The following CALN1 variants were observed in gnomAD, a reference collection of about 807,000 sequenced individuals.
CALN1 encodes calcium-binding protein 8.
CALN1 carries 17 observed loss-of-function variants against 30.6 expected under a neutral mutation model. The observed-to-expected ratio is 0.56, with a 90% CI of 0.38 to 0.83. The LOEUF is 0.83. Ranked by LOEUF, CALN1 falls within the 40% of genes least tolerant of loss-of-function variation. CALN1 has a pLI of 0.00. For synonymous variants in CALN1, 156 were observed against 131.4 expected, an observed-to-expected ratio of 1.19 and a Z score of -1.28; for missense variants, 291 against 354.9, an observed-to-expected ratio of 0.82 and a Z score of 1.45.
At chr7:72,201,493 A>G (rs553986190) in intron 3 of CALN1, among the ~76,000 whole-genome samples, 1 of 152,040 alleles carries the variant, frequency 6.6e-6, no homozygotes, top group East Asian at 1.9e-4. Flanking sequence ...CGGGAGGCTG[A>G]GGCAGGAGGA....
At chr7:72,218,223 C>T (rs1381313084) in intron 3 of CALN1, among the ~76,000 whole-genome samples, 2 of 151,568 alleles carry the variant, frequency 1.3e-5, no homozygotes, top group East Asian at 2.0e-4. Context: ...ACGAGGCAGG[C>T]GGATCACCAG....
At chr7:72,059,149 A>G (rs1445472063) in intron 4 of CALN1, among the ~76,000 whole-genome samples, 1 of 152,236 alleles carries the variant, frequency 6.6e-6, no homozygotes, top group Non-Finnish European at 1.5e-5. Flanking sequence ...AACCTTTATC[A>G]AGGAAAATTA....
the CALN1 span, among the ~76,000 whole-genome samples, chr7:72,478,238 T>A: frequency 6.7e-6 from 1 of 148,234 alleles, no homozygotes; most frequent in African/African-American, 2.4e-5. Context: ...TTTTTATAAA[T>A]ATATATGTTA....
At chr7:72,232,133 G>A (rs573850685) in intron 3 of CALN1, among the ~76,000 whole-genome samples, 1 of 152,260 alleles carries the variant, frequency 6.6e-6, no homozygotes, top group South Asian at 2.1e-4. Context: ...ACCATTCTAG[G>A]GGTCAGAAGA....
chr7:71,803,290 C>T (rs1263090693), intron 6 of CALN1, among the ~76,000 whole-genome samples: 2 of 152,038 alleles, frequency 1.3e-5, no homozygotes, highest in Non-Finnish European at 2.9e-5. Context: ...AGTGATTTTC[C>T]ATCGGGAAGC....
At chr7:71,909,869 T>C (rs748870425) in intron 5 of CALN1, among the ~76,000 whole-genome samples, 1 of 152,142 alleles carries the variant, frequency 6.6e-6, no homozygotes, top group Non-Finnish European at 1.5e-5. Context: ...AGTTCTCACA[T>C]TGCTGCAAAG....
chr7:72,381,139 A>C (rs2129560818), intron 2 of CALN1, among the ~76,000 whole-genome samples: 1 of 152,354 alleles, frequency 6.6e-6, no homozygotes, highest in Non-Finnish European at 1.5e-5. Context: ...AAGCACAAAG[A>C]CATAAACATG....
chr7:72,181,881 G>A lies in CALN1; in HGVS notation c.245-75587C>T, dbSNP rs201807319. ...AGCCTATCCAACATATCTCTATCAC[G>A]AGCATTTACTGGGTCCATACTATGT... On this transcript the variant is annotated intron_variant, in intron 3 of 6. Transcript: ENST00000395275. 6.6e-5 allele frequency among the ~76,000 whole-genome samples: 10 copies of A among 152,244 alleles called. No homozygotes were observed. In the East Asian group the frequency reaches 1.5e-3, roughly 23 times the overall value.
chr7:72,146,473 C>T (rs1786739361), intron 3 of CALN1, among the ~76,000 whole-genome samples: 1 of 152,024 alleles, frequency 6.6e-6, no homozygotes, highest in South Asian at 2.1e-4. Context: ...AAAGAGGATA[C>T]AAATAAATGG....
chr7:71,830,723 G>A (rs1424517883), intron 5 of CALN1, among the ~76,000 whole-genome samples: 1 of 152,178 alleles, frequency 6.6e-6, no homozygotes, highest in Non-Finnish European at 1.5e-5. Context: ...CCATCACATA[G>A]GGGCTGTGTG....
chr7:72,263,808 CA>C (rs1419137177), intron 3 of CALN1, among the ~76,000 whole-genome samples: 5 of 152,158 alleles, frequency 3.3e-5, no homozygotes, highest in African/African-American at 1.2e-4. Context: ...ATGTGCCTAT[CA>C]TTTCACTGTG....
chr7:72,455,178 T>C, the CALN1 span, among the ~76,000 whole-genome samples: 1 of 152,058 alleles, frequency 6.6e-6, no homozygotes, highest in Admixed American at 6.6e-5. Context: ...GGAGTGCACC[T>C]GTAGTCTCAG....
At chr7:71,819,939 C>A (rs1183529163) in intron 5 of CALN1, among the ~76,000 whole-genome samples, 3 of 152,116 alleles carry the variant, frequency 2.0e-5, no homozygotes, top group African/African-American at 7.2e-5. Context: ...CCAAAGTTAA[C>A]CTGAAAAATG....
chr7:72,406,421 A>T (rs550567001), intron 1 of CALN1, among the ~76,000 whole-genome samples: 3 of 152,288 alleles, frequency 2.0e-5, no homozygotes, highest in African/African-American at 7.2e-5. Flanking sequence ...TCCCCAAATT[A>T]ACCGGTTATC....
chr7:71,957,521 G>A (rs981166414), intron 5 of CALN1, among the ~76,000 whole-genome samples: 3 of 152,130 alleles, frequency 2.0e-5, no homozygotes, highest in Admixed American at 1.3e-4. Flanking sequence ...ACCCCATTAC[G>A]ATCTGTCGCC....
chr7:72,338,868 T>C (rs927060718), intron 2 of CALN1, among the ~76,000 whole-genome samples: 64 of 152,178 alleles, frequency 4.2e-4, no homozygotes, highest in Non-Finnish European at 9.0e-4. Context: ...CACTGTGTTG[T>C]GCTATCAAAT....
At chr7:71,930,412 T>C (rs1795489199) in intron 5 of CALN1, among the ~76,000 whole-genome samples, 1 of 151,792 alleles carries the variant, frequency 6.6e-6, no homozygotes, top group African/African-American at 2.4e-5. Flanking sequence ...CCATCCTTTC[T>C]GTATGTTGTC....
At chr7:72,490,945 G>T in the CALN1 span, among the ~76,000 whole-genome samples, 1 of 152,140 alleles carries the variant, frequency 6.6e-6, no homozygotes, top group Admixed American at 6.5e-5. Flanking sequence ...AATGCCTAGT[G>T]CTTAAAATGA....
chr7:71,896,144 C>A (rs578075118), intron 5 of CALN1, among the ~76,000 whole-genome samples: 1 of 152,128 alleles, frequency 6.6e-6, no homozygotes, highest in Non-Finnish European at 1.5e-5. Context: ...TAATAATATA[C>A]GCTTTAATGT....
Sources: gnomAD v4.1 joint callset for allele counts (sites outside exome capture counted in the v4.1 genomes callset) on GRCh38, gnomAD v4.1.1 for gene constraint, MANE v1.5 for transcripts, NCBI Gene and HGNC (gene_info 2026-07-23, HGNC 2026-07-21) for gene names.